Variants in MCTP1 observed in about 807,000 individuals in gnomAD.
MCTP1 encodes multiple C2 and transmembrane domain-containing protein 1.
MCTP1 carries 69 observed loss-of-function variants against 120.6 expected under a neutral mutation model. That is an observed-to-expected ratio of 0.57 (90% CI 0.47 to 0.70). The LOEUF (loss-of-function observed/expected upper bound fraction) is 0.70. MCTP1 is among the 30% of genes least tolerant of loss of function. The pLI, the probability that MCTP1 is intolerant of heterozygous loss-of-function variation, is 0.00. For synonymous variants in MCTP1, 529 were observed against 493.1 expected (o/e 1.07, Z -0.96); for missense variants, 1,203 against 1,248.8 (o/e 0.96, Z 0.55).
intron 1 of MCTP1, among the ~76,000 whole-genome samples, chr5:95,212,021 G>A (rs1350115323): frequency 6.6e-6 from 1 of 151,942 alleles, no homozygotes; most frequent in East Asian, 1.9e-4. Context: ...AAAATCAGAG[G>A]AGAACTGAAG....
At chr5:95,014,949 G>A (rs1836793140) in intron 2 of MCTP1, among the ~76,000 whole-genome samples, 1 of 152,104 alleles carries the variant, frequency 6.6e-6, no homozygotes, top group Non-Finnish European at 1.5e-5. Flanking sequence ...TCAGTCAGCA[G>A]CCATCAACAT....
chr5:95,142,311 T>C (rs767058508), intron 1 of MCTP1, among the ~76,000 whole-genome samples: 4 of 152,208 alleles, frequency 2.6e-5, no homozygotes, highest in African/African-American at 4.8e-5. Context: ...ACGTCTCTAT[T>C]GTTTTTACTA....
At chr5:95,212,917 G>A (rs919930316) in intron 1 of MCTP1, among the ~76,000 whole-genome samples, 1 of 152,074 alleles carries the variant, frequency 6.6e-6, no homozygotes, top group African/African-American at 2.4e-5. Flanking sequence ...ATACTGAATG[G>A]GCAAAAACTG....
At chr5:95,012,735 T>C (rs998581455) in intron 2 of MCTP1, among the ~76,000 whole-genome samples, 1 of 152,112 alleles carries the variant, frequency 6.6e-6, no homozygotes, top group African/African-American at 2.4e-5. Flanking sequence ...GTGAATGTTG[T>C]GTGTGTTCTG....
chr5:95,029,997 C>A (rs1839987646), intron 1 of MCTP1, among the ~76,000 whole-genome samples: 1 of 152,226 alleles, frequency 6.6e-6, no homozygotes, highest in African/African-American at 2.4e-5. Flanking sequence ...AGCGTTCTAG[C>A]AAGGGAGGAC....
intron 1 of MCTP1, among the ~76,000 whole-genome samples, chr5:95,233,492 C>A (rs1448728843): frequency 2.0e-5 from 3 of 152,058 alleles, no homozygotes; most frequent in African/African-American, 7.2e-5. Flanking sequence ...CCAGGCCCAG[C>A]TAATTTTTTT....
intron 1 of MCTP1, among the ~76,000 whole-genome samples, chr5:95,079,666 A>C (rs2152310367): frequency 6.6e-6 from 1 of 152,212 alleles, no homozygotes; most frequent in Middle Eastern, 3.4e-3. Flanking sequence ...TTATCTCTTG[A>C]AACTATACAT....
At position 95,027,036 on chromosome 5, in the gene MCTP1, C is replaced by A. The variant is rs1020559781; in HGVS notation, c.721-9552G>T. Among the ~76,000 whole-genome samples, 6 of 152,210 alleles carry A rather than the reference C, an allele frequency of 3.9e-5. 1 individual carries two copies. The highest frequency in any genetic ancestry group is 3.9e-4 in the Admixed American group (6 of 15,284). On this transcript the variant is annotated intron_variant, in intron 1 of 22. Coordinates refer to ENST00000515393, the MANE Select transcript of MCTP1 (RefSeq NM_024717.7). ...AATATCCATTAAGTGGAAATCAAAG[C>A]TTTTTAAAACCTAATTTTCAAAAAC... is the stretch of plus-strand genomic sequence containing the variant.
Position 95,060,804 on chromosome 5 carries a change from T to C in MCTP1, c.721-43320A>G, listed in dbSNP as rs1245476077. On this transcript the variant is annotated intron_variant, in intron 1 of 22. Transcript: ENST00000515393. ...CTGGCCAATATGGCAAAACCCTGTC[T>C]CTACTAAAAATACAAAAATTAGCCA... Among the ~76,000 whole-genome samples, 3 of 151,980 alleles carry C rather than the reference T, an allele frequency of 2.0e-5. No individual in the cohort carries two copies. In the East Asian group the frequency reaches 5.8e-4, roughly 29 times the overall value.
intron 17 of MCTP1, among the ~76,000 whole-genome samples, chr5:94,853,740 A>G (rs552506436): frequency 3.3e-5 from 5 of 151,926 alleles, no homozygotes; most frequent in Non-Finnish European, 5.9e-5. Flanking sequence ...TGATATCTCA[A>G]TTAAAACCTT....
At chr5:95,041,311 GAAAA>G (rs58379749) in intron 1 of MCTP1, among the ~76,000 whole-genome samples, 2 of 89,816 alleles carry the variant, frequency 2.2e-5, no homozygotes, top group Non-Finnish European at 4.5e-5. Context: ...CCCATGCTCT[GAAAA>G]AAAAAAAAAA....
In MCTP1 at chr5:94,799,088, T is replaced by C. The variant is rs1435250503; in HGVS notation, c.2481A>G (p.Pro827=). 2 of 1,611,862 alleles carry C rather than the reference T, an allele frequency of 1.2e-6. No individual in the cohort carries two copies. The highest frequency in any genetic ancestry group is 1.7e-6 in the Non-Finnish European group (2 of 1,178,550). ...VVWNFELYMI[P]LVLLLLLTWN... ...ATGTCAATAGTAACAACAAAACCAGTGGTATCATGTAGAGCTCAAAGTTCC... is the reference window on the plus strand; with the variant it reads ...ATGTCAATAGTAACAACAAAACCAGCGGTATCATGTAGAGCTCAAAGTTCC... Residue 827 remains proline, a synonymous_variant, in exon 18 of 23, where the codon CCA becomes CCG. Coordinates refer to ENST00000515393, the MANE Select transcript of MCTP1 (RefSeq NM_024717.7).
chr5:94,994,152 C>T (rs539925330), intron 2 of MCTP1, among the ~76,000 whole-genome samples: 23 of 152,298 alleles, frequency 1.5e-4, no homozygotes, highest in African/African-American at 4.8e-4. Flanking sequence ...ACCATTTGAA[C>T]TGGCTCTTAT....
chr5:94,801,759 C>A (rs1023964026), intron 17 of MCTP1, among the ~76,000 whole-genome samples: 1 of 152,186 alleles, frequency 6.6e-6, no homozygotes, highest in Non-Finnish European at 1.5e-5. Flanking sequence ...GTGTTAGCTG[C>A]AGGCCTGTCA....
intron 18 of MCTP1, among the ~76,000 whole-genome samples, chr5:94,783,741 T>C (rs1777057484): frequency 6.6e-6 from 1 of 152,084 alleles, no homozygotes; most frequent in Non-Finnish European, 1.5e-5. Context: ...GGCCCATGAA[T>C]TATTTTTAAA....
intron 19 of MCTP1, among the ~76,000 whole-genome samples, chr5:94,730,414 G>T (rs1454084793): frequency 6.6e-6 from 1 of 152,186 alleles, no homozygotes; most frequent in African/African-American, 2.4e-5. Flanking sequence ...GCCTCCCAAG[G>T]TGCTGAGATT....
intron 22 of MCTP1, among the ~76,000 whole-genome samples, chr5:94,707,835 CATCAAT>C (rs1755107873): frequency 6.6e-6 from 1 of 151,824 alleles, no homozygotes; most frequent in African/African-American, 2.4e-5. Flanking sequence ...AAACCATCTA[CATCAAT>C]TTTTTAAAGG....
intron 2 of MCTP1, among the ~76,000 whole-genome samples, chr5:94,985,979 A>C (rs572624457): frequency 1.3e-5 from 2 of 152,316 alleles, no homozygotes; most frequent in African/African-American, 2.4e-5. Context: ...GTGGGAATGC[A>C]TGCCTGTTTT....
At chr5:95,165,475 T>A (rs979292306) in intron 1 of MCTP1, among the ~76,000 whole-genome samples, 8 of 152,218 alleles carry the variant, frequency 5.3e-5, no homozygotes, top group Non-Finnish European at 1.2e-4. Flanking sequence ...CACATCTATA[T>A]CAATCTATGT....
Sources: gnomAD v4.1 joint callset for allele counts (sites outside exome capture counted in the v4.1 genomes callset) on GRCh38, gnomAD v4.1.1 for gene constraint, MANE v1.5 for transcripts, NCBI Gene and HGNC (gene_info 2026-07-23, HGNC 2026-07-21) for gene names.